The following THSD7B variants were observed in gnomAD, a reference collection of about 807,000 sequenced individuals.
The protein encoded by THSD7B is thrombospondin type-1 domain-containing protein 7B.
THSD7B carries 138 observed loss-of-function variants against 213.6 expected under a neutral mutation model. That is an observed-to-expected ratio of 0.65 (90% CI 0.56 to 0.74). The LOEUF (loss-of-function observed/expected upper bound fraction) is 0.74, where lower values mean the gene tolerates loss of function less well. Ranked by LOEUF, THSD7B falls within the 30% of genes least tolerant of loss-of-function variation. THSD7B has a pLI of 0.00. For missense variants in THSD7B, 1,931 were observed against 1,991.5 expected, an observed-to-expected ratio of 0.97 and a Z score of 0.58; for synonymous variants, 742 against 687.0, an observed-to-expected ratio of 1.08 and a Z score of -1.25.
chr2:137,066,349 G>A (rs1020475598), intron 3 of THSD7B, among the ~76,000 whole-genome samples: 4 of 151,702 alleles, frequency 2.6e-5, no homozygotes, highest in South Asian at 2.1e-4. Flanking sequence ...GTGCCACCAC[G>A]TCTGGCTAAT....
At chr2:137,445,706 T>A (rs1687523006) in intron 14 of THSD7B, among the ~76,000 whole-genome samples, 1 of 151,866 alleles carries the variant, frequency 6.6e-6, no homozygotes, top group Non-Finnish European at 1.5e-5. Flanking sequence ...AATAGCACAA[T>A]AGGGCAACTA....
chr2:137,469,089 C>G (rs147807971), intron 15 of THSD7B, among the ~76,000 whole-genome samples: 87 of 152,246 alleles, frequency 5.7e-4, no homozygotes, highest in African/African-American at 1.9e-3. Flanking sequence ...AGAACATTTA[C>G]TGGTTTGAAT....
intron 2 of THSD7B, among the ~76,000 whole-genome samples, chr2:136,961,483 G>A (rs1685218911): frequency 6.6e-6 from 1 of 152,080 alleles, no homozygotes; most frequent in South Asian, 2.1e-4. Flanking sequence ...GCCTTCCAGA[G>A]TGCTGGGATT....
At chr2:137,640,884 C>A (rs993013064) in intron 20 of THSD7B, among the ~76,000 whole-genome samples, 1 of 152,146 alleles carries the variant, frequency 6.6e-6, no homozygotes, top group African/African-American at 2.4e-5. Flanking sequence ...GAAGTATAAA[C>A]CTTAAGAAAT....
rs1680343931 is a variant in THSD7B, at chr2:137,175,605, G to A, written c.1723+4667G>A. On this transcript the variant is annotated intron_variant, in intron 7 of 27. Coordinates refer to ENST00000409968, the MANE Select transcript of THSD7B (RefSeq NM_001316349.2). ...TTTATTTCAAGGATATTTTTCTAGG[G>A]GTCTTTGCCTTAAATCATTAACTGT... Among the ~76,000 whole-genome samples the A allele has an allele frequency of 2.0e-5, 3 of 152,098 alleles. No homozygotes were observed. The South Asian group carries it at 6.2e-4, about 32-fold the overall frequency.
chr2:137,217,164 T>G (rs1434477562), intron 7 of THSD7B, among the ~76,000 whole-genome samples: 1 of 152,202 alleles, frequency 6.6e-6, no homozygotes, highest in Non-Finnish European at 1.5e-5. Context: ...GTAAACCCAC[T>G]GCCAAAGCAA....
intron 7 of THSD7B, among the ~76,000 whole-genome samples, chr2:137,212,546 A>G (rs1289596568): frequency 6.6e-6 from 1 of 152,082 alleles, no homozygotes; most frequent in Non-Finnish European, 1.5e-5. Flanking sequence ...AAATTAAAAC[A>G]TTGTCTGAAT....
Position 137,605,648 on chromosome 2 carries a change from C to CTTTTTTTT in THSD7B, c.3424-10495_3424-10488dup, listed in dbSNP as rs34604281. Among the ~76,000 whole-genome samples, 58 of 69,014 alleles carry CTTTTTTTT rather than the reference C, an allele frequency of 8.4e-4. 10 individuals are homozygous for CTTTTTTTT. Among genetic ancestry groups the CTTTTTTTT allele is most frequent in the African/African-American group, 1.5e-3 (27 of 17,592 alleles). 45.3% of individuals were successfully genotyped at this position (69,014 alleles called of 152,430 possible). A position where few individuals can be genotyped will look rare whatever the true frequency, so the allele number is the denominator to read the frequency against. On this transcript the variant is annotated intron_variant, in intron 17 of 27. Transcript: ENST00000409968. ...AAAAAGCATATATTGGCACTTCGCA[C>CTTTTTTTT]TTTTTTTTTTTTTTTTTTTTTTTTT...
At chr2:136,938,772 C>G (rs1453244266) in intron 2 of THSD7B, among the ~76,000 whole-genome samples, 1 of 152,094 alleles carries the variant, frequency 6.6e-6, no homozygotes, top group Non-Finnish European at 1.5e-5. Flanking sequence ...GATGAGGACC[C>G]AATGGATGAT....
intron 5 of THSD7B, among the ~76,000 whole-genome samples, chr2:137,154,638 T>A (rs1351213581): frequency 5.3e-5 from 8 of 152,172 alleles, no homozygotes; most frequent in Admixed American, 3.9e-4. Context: ...CTTTAGCATC[T>A]TATTTCTCGG....
intron 14 of THSD7B, among the ~76,000 whole-genome samples, chr2:137,427,873 A>C (rs1459336798): frequency 6.6e-6 from 1 of 152,170 alleles, no homozygotes; most frequent in African/African-American, 2.4e-5. Flanking sequence ...TGTGAAGTGA[A>C]GTATATGTTA....
At chr2:137,125,685 G>C (rs547719895) in intron 5 of THSD7B, among the ~76,000 whole-genome samples, 8 of 152,030 alleles carry the variant, frequency 5.3e-5, no homozygotes, top group Non-Finnish European at 1.2e-4. Flanking sequence ...AATGGTGAAC[G>C]CATTTTCAAT....
intron 1 of THSD7B, among the ~76,000 whole-genome samples, chr2:136,820,487 A>G (rs1682549871): frequency 1.3e-5 from 2 of 152,248 alleles, no homozygotes; most frequent in African/African-American, 4.8e-5. Flanking sequence ...AGATAAATTC[A>G]ACATGAGGTT....
chr2:137,234,878 C>T (rs1245047413), intron 9 of THSD7B, among the ~76,000 whole-genome samples: 1 of 152,138 alleles, frequency 6.6e-6, no homozygotes, highest in African/African-American at 2.4e-5. Context: ...ATACATATGA[C>T]CTGCTCTTTT....
intron 7 of THSD7B, among the ~76,000 whole-genome samples, chr2:137,224,756 C>A (rs754138240): frequency 2.0e-5 from 3 of 152,122 alleles, no homozygotes; most frequent in Non-Finnish European, 4.4e-5. Context: ...ACTGCAAGCT[C>A]CGCCTCCCGG....
At chr2:137,093,148 A>G (rs1014539372) in intron 3 of THSD7B, among the ~76,000 whole-genome samples, 5 of 152,250 alleles carry the variant, frequency 3.3e-5, no homozygotes, top group Non-Finnish European at 7.3e-5. Flanking sequence ...ATCTCCTAAT[A>G]TGAATCTGAT....
chr2:137,629,711 T>A (rs1295422031), intron 20 of THSD7B, among the ~76,000 whole-genome samples: 1 of 152,198 alleles, frequency 6.6e-6, no homozygotes, highest in Non-Finnish European at 1.5e-5. Flanking sequence ...GAAATGAAGT[T>A]GCATAAAGTA....
At chr2:137,590,397 G>A (rs1681837444) in intron 17 of THSD7B, among the ~76,000 whole-genome samples, 1 of 152,134 alleles carries the variant, frequency 6.6e-6, no homozygotes. Context: ...GGCTGACTTG[G>A]CTAGTATAGC....
At position 136,804,658 on chromosome 2, in the gene THSD7B, G is replaced by T. The variant is rs556496765; in HGVS notation, c.-36+38971G>T. Among the ~76,000 whole-genome samples the T allele has an allele frequency of 2.0e-5, 3 of 152,318 alleles. No homozygotes were observed. The South Asian group carries it at 6.2e-4, about 32-fold the overall frequency. On this transcript the variant is annotated intron_variant, in intron 1 of 27. Transcript: ENST00000409968. Reference sequence around the variant, plus strand: ...TTGAGAGCTTTAGGTTGTATTGGTTGTTTTGAAGAGGAGAGTATGGATCCT... The same window carrying T: ...TTGAGAGCTTTAGGTTGTATTGGTTTTTTTGAAGAGGAGAGTATGGATCCT...
Sources: allele counts gnomAD v4.1 joint callset (sites outside exome capture counted in the v4.1 genomes callset), GRCh38; gene constraint gnomAD v4.1.1; transcripts MANE v1.5; gene names NCBI Gene and HGNC (gene_info 2026-07-23, HGNC 2026-07-21).